Variants in CEP55 observed in about 807,000 individuals in gnomAD.
CEP55 encodes the protein centrosomal protein 55.
CEP55 carries 57 observed loss-of-function variants against 63.2 expected under a neutral mutation model. The observed-to-expected ratio is 0.90, with a 90% CI of 0.73 to 1.13. CEP55 has a LOEUF of 1.13. CEP55 is among the 50% of genes most tolerant of loss of function. The pLI is 0.00. For synonymous variants in CEP55, 178 were observed against 191.6 expected, an observed-to-expected ratio of 0.93 and a Z score of 0.59; for missense variants, 456 against 518.9, an observed-to-expected ratio of 0.88 and a Z score of 1.18.
At chr10:93,506,853 C>T (rs527999054) in intron 3 of CEP55, 135 bp from the exon 4 acceptor site, 13 of 698,964 alleles carry the variant, frequency 1.9e-5, no homozygotes, top group East Asian at 1.1e-4. Flanking sequence ...GGATTATAGG[C>T]GTGAGCCACC....
intron 8 of CEP55, among the ~76,000 whole-genome samples, chr10:93,525,277 G>A (rs919438878): frequency 6.6e-6 from 1 of 152,068 alleles, no homozygotes; most frequent in African/African-American, 2.4e-5. Context: ...AAAATCACAA[G>A]CATTCTTATA....
chr10:93,509,097 AGCTTACATGT>A (rs76884042), intron 4 of CEP55, among the ~76,000 whole-genome samples: 9,843 of 152,270 alleles, frequency 0.065, 343 homozygotes, highest in Non-Finnish European at 0.075. Context: ...CATTATCTTA[AGCTTACATGT>A]GCTTTTTAGG....
At chr10:93,521,305 G>A (rs1000367265) in intron 8 of CEP55, among the ~76,000 whole-genome samples, 2 of 152,172 alleles carry the variant, frequency 1.3e-5, no homozygotes, top group East Asian at 1.9e-4. Context: ...TATATCCCAC[G>A]CCTGGCTTGG....
intron 3 of CEP55, among the ~76,000 whole-genome samples, chr10:93,503,618 A>G (rs1364115795): frequency 1.3e-5 from 2 of 152,174 alleles, no homozygotes; most frequent in Non-Finnish European, 2.9e-5. Context: ...GCCTGGAGGA[A>G]TATTCAGAAG....
intron 4 of CEP55, among the ~76,000 whole-genome samples, chr10:93,510,241 A>G (rs1030329717): frequency 5.3e-5 from 8 of 152,226 alleles, no homozygotes; most frequent in Non-Finnish European, 8.8e-5. Flanking sequence ...AATAGCCAAA[A>G]GACAGTTTTA....
chr10:93,520,375 T>C (rs2057847417), intron 8 of CEP55: 1 of 141,454 alleles, frequency 7.1e-6, no homozygotes, highest in African/African-American at 2.6e-5. Context: ...TGCAGTGGGC[T>C]GAGACTGAGC....
chr10:93,514,393 T>A (rs1179870401), intron 4 of CEP55, among the ~76,000 whole-genome samples: 1 of 152,070 alleles, frequency 6.6e-6, no homozygotes, highest in Non-Finnish European at 1.5e-5. Flanking sequence ...ATATAAAGGA[T>A]GAAAGTTGGT....
At chr10:93,518,828 G>C (rs779410606) in intron 6 of CEP55, 49 bp from the exon 7 acceptor site, 8 of 1,365,764 alleles carry the variant, frequency 5.9e-6, no homozygotes, top group South Asian at 1.2e-5. Context: ...CCCAGGTCAA[G>C]CCGGAAAAGG....
chr10:93,525,120 T>C (rs536179162), intron 8 of CEP55, among the ~76,000 whole-genome samples: 7 of 151,894 alleles, frequency 4.6e-5, no homozygotes, highest in Admixed American at 4.6e-4. Context: ...AAATAAAGGG[T>C]ATTCAATTAA....
At chr10:93,522,828 C>T (rs1214902239) in intron 8 of CEP55, among the ~76,000 whole-genome samples, 1 of 152,156 alleles carries the variant, frequency 6.6e-6, no homozygotes, top group Non-Finnish European at 1.5e-5. Flanking sequence ...ATTTCATATC[C>T]AGCCAGAGTA....
intron 4 of CEP55, among the ~76,000 whole-genome samples, 169 bp downstream of exon 4, chr10:93,507,225 CTTT>C (rs137998042): frequency 1.5e-5 from 2 of 134,504 alleles, no homozygotes; most frequent in East Asian, 2.1e-4. Context: ...AGCATAGTCC[CTTT>C]TTTTTTTTTT....
intron 4 of CEP55, among the ~76,000 whole-genome samples, chr10:93,513,950 C>CTT (rs575229278): frequency 3.5e-5 from 5 of 144,386 alleles, no homozygotes; most frequent in Admixed American, 7.0e-5. Flanking sequence ...TCCCCCTCCC[C>CTT]TTTTTTTTTT....
intron 2 of CEP55, 110 bp from the exon 3 acceptor site, chr10:93,503,003 G>C: frequency 1.9e-6 from 2 of 1,045,756 alleles, no homozygotes; most frequent in Non-Finnish European, 1.4e-6. Context: ...GGTATTTAGC[G>C]TAATGCTGAC....
At chr10:93,519,837 GTCT>G (rs2057840704) in intron 8 of CEP55, 30 bp downstream of exon 8, 1 of 1,612,498 alleles carries the variant, frequency 6.2e-7, no homozygotes, top group East Asian at 2.2e-5. Context: ...ACTAAAATTT[GTCT>G]TCGTCTTCCA....
Position 93,517,017 on chromosome 10 carries a change from C to A in CEP55, c.762C>A (p.Thr254=), listed in dbSNP as rs553278671. 3.7e-6 allele frequency: 6 copies of A among 1,612,540 alleles called. No individual in the cohort carries two copies. The East Asian group carries it at 1.1e-4, about 30-fold the overall frequency. The part of the protein sequence containing the change: ...AKKDLEVERQ[T]ITQLSFELSE... ...AAGATCTTGAGGTTGAACGACAAAC[C>A]ATAACTCAGCTGAGTTTTGAACTGA... Residue 254 remains threonine, a synonymous_variant, in exon 6 of 9, where the codon ACC becomes ACA. Coordinates refer to ENST00000371485, the MANE Select transcript of CEP55 (RefSeq NM_018131.5).
intron 3 of CEP55, among the ~76,000 whole-genome samples, chr10:93,505,001 G>A (rs1435421362): frequency 6.6e-6 from 1 of 151,972 alleles, no homozygotes; most frequent in South Asian, 2.1e-4. Context: ...TAATAGAGAC[G>A]GGGTTTCAAC....
At position 93,516,999 on chromosome 10, in the gene CEP55, T is replaced by A; in HGVS notation, c.744T>A (p.Leu248=). The change falls in exon 6 of 9, where the codon CTT becomes CTA. Residue 248 remains leucine (L), a synonymous_variant. Transcript: ENST00000371485. Reference sequence around the variant, plus strand: ...TCTTGGCAAGTGCAAAAAAAGATCTTGAGGTTGAACGACAAACCATAACTC... The same window carrying A: ...TCTTGGCAAGTGCAAAAAAAGATCTAGAGGTTGAACGACAAACCATAACTC... ...NDLLASAKKD[L]EVERQTITQL... is the part of the protein sequence containing the mutation. 1 of 1,607,796 alleles carries A rather than the reference T, an allele frequency of 6.2e-7. No individual in the cohort carries two copies. Among genetic ancestry groups the A allele is most frequent in the Non-Finnish European group, 8.5e-7 (1 of 1,175,574 alleles).
chr10:93,515,253 C>T (rs1323765200), intron 4 of CEP55, 152 bp from the exon 5 acceptor site: 2 of 589,266 alleles, frequency 3.4e-6, no homozygotes, highest in Non-Finnish European at 5.9e-6. Flanking sequence ...GTTATGTATT[C>T]TGAAGGCATG....
In CEP55 at chr10:93,503,119, C is replaced by T. The variant is rs146596670; in HGVS notation, c.190C>T (p.Arg64Ter). The T allele has an allele frequency of 9.3e-6, 15 of 1,610,228 alleles. No homozygotes were observed. Among genetic ancestry groups the T allele is most frequent in the South Asian group, 4.4e-5 (4 of 90,412 alleles). ...CTTCTTAGTTTATGTCTAGAAAATT[C>T]GAGTCCTTGAGGCTGAGAAGGAGAA... ...KERHRLLEKI[R>*]VLEAEKEKNA... The change falls in exon 3 of 9, where the codon CGA becomes TGA. Residue 64 changes from arginine to a stop codon, truncating the protein, a stop_gained. Transcript: ENST00000371485. LOFTEE classifies it high-confidence loss of function.
Sources: allele counts gnomAD v4.1 joint callset (sites outside exome capture counted in the v4.1 genomes callset), GRCh38; gene constraint gnomAD v4.1.1; transcripts MANE v1.5; gene names NCBI Gene and HGNC (gene_info 2026-07-23, HGNC 2026-07-21).